The following HOOK3 variants were observed in gnomAD, a reference collection of about 807,000 sequenced individuals.
HOOK3 encodes protein Hook homolog 3.
HOOK3 carries 24 observed loss-of-function variants against 116.3 expected under a neutral mutation model. The ratio of observed to expected loss-of-function variants is 0.21; its 90% CI spans 0.15 to 0.29. The LOEUF (loss-of-function observed/expected upper bound fraction) is 0.29, where lower values mean the gene tolerates loss of function less well. Among genes scored for constraint, HOOK3 ranks in the 10% least tolerant of loss-of-function variants. HOOK3 has a pLI of 1.00. For synonymous variants in HOOK3, 275 were observed against 283.0 expected (o/e 0.97, Z 0.28); for missense variants, 632 against 830.2 (o/e 0.76, Z 2.93).
intron 4 of HOOK3, among the ~76,000 whole-genome samples, chr8:42,933,150 A>G (rs1368563111): frequency 6.6e-6 from 1 of 152,254 alleles, no homozygotes; most frequent in Non-Finnish European, 1.5e-5. Flanking sequence ...AGGTCTAACA[A>G]TAGAAAATTA....
chr8:42,953,529 AC>A (rs1808380761), intron 6 of HOOK3, among the ~76,000 whole-genome samples: 1 of 151,176 alleles, frequency 6.6e-6, no homozygotes, highest in Non-Finnish European at 1.5e-5. Flanking sequence ...GCGCCACTGC[AC>A]TCCAGCCTGG....
intron 19 of HOOK3, among the ~76,000 whole-genome samples, chr8:43,010,994 A>AT (rs1490824784): frequency 4.0e-5 from 6 of 150,394 alleles, no homozygotes; most frequent in Non-Finnish European, 3.0e-5. Flanking sequence ...AAGGGGGTCC[A>AT]TTTTCTTTTT....
chr8:42,972,925 G>T (rs1463162656), intron 11 of HOOK3, among the ~76,000 whole-genome samples: 4 of 152,084 alleles, frequency 2.6e-5, no homozygotes, highest in Non-Finnish European at 5.9e-5. Context: ...TAATCTCTGA[G>T]GATTTCCCTT....
chr8:42,938,333 G>A (rs958551046), intron 4 of HOOK3, among the ~76,000 whole-genome samples: 2 of 151,902 alleles, frequency 1.3e-5, no homozygotes, highest in Middle Eastern at 3.2e-3. Context: ...ACACTGATGG[G>A]TCTTGACTCT....
intron 19 of HOOK3, 62 bp downstream of exon 19, chr8:43,010,467 A>C: frequency 2.0e-6 from 1 of 498,286 alleles, no homozygotes; most frequent in South Asian, 3.2e-5. Context: ...TGAAGTCTCA[A>C]ATATAATGGA....
chr8:42,975,105 AGGAGCG>A (rs1198268632), intron 13 of HOOK3, among the ~76,000 whole-genome samples: 4 of 152,142 alleles, frequency 2.6e-5, no homozygotes, highest in Admixed American at 2.6e-4. Flanking sequence ...GGGCGCACCC[AGGAGCG>A]GGAACCTGGG....
intron 2 of HOOK3, among the ~76,000 whole-genome samples, chr8:42,923,096 G>T (rs182459984): frequency 3.3e-5 from 5 of 152,252 alleles, no homozygotes; most frequent in Admixed American, 2.6e-4. Flanking sequence ...TGGCCAATAA[G>T]CACATGTGAA....
intron 7 of HOOK3, 58 bp from the exon 8 acceptor site, chr8:42,959,173 C>T (rs1457530964): frequency 2.0e-5 from 23 of 1,129,228 alleles, no homozygotes; most frequent in Non-Finnish European, 2.7e-5. Flanking sequence ...GTTGAACATA[C>T]GAATTATTAA....
intron 2 of HOOK3, among the ~76,000 whole-genome samples, chr8:42,917,856 C>G (rs1489263875): frequency 6.6e-6 from 1 of 152,110 alleles, no homozygotes; most frequent in Admixed American, 6.5e-5. Context: ...GACTTAGGGG[C>G]TTAGTGTAAA....
At chr8:43,008,167 CG>C (rs1809529260) in intron 18 of HOOK3, among the ~76,000 whole-genome samples, 1 of 151,840 alleles carries the variant, frequency 6.6e-6, no homozygotes, top group African/African-American at 2.4e-5. Context: ...TACAGGTGCC[CG>C]CCACTACGCC....
chr8:42,999,134 T>C (rs929987738), intron 16 of HOOK3, among the ~76,000 whole-genome samples: 9 of 152,234 alleles, frequency 5.9e-5, no homozygotes, highest in African/African-American at 2.2e-4. Context: ...TGATGGCCAT[T>C]GTGCATGGTT....
intron 4 of HOOK3, among the ~76,000 whole-genome samples, chr8:42,938,597 A>G (rs776711169): frequency 1.3e-5 from 2 of 152,256 alleles, no homozygotes; most frequent in Admixed American, 6.5e-5. Context: ...GGTGGTGACA[A>G]AATCTCTCAG....
intron 11 of HOOK3, among the ~76,000 whole-genome samples, chr8:42,968,621 T>G (rs1282972183): frequency 6.6e-6 from 1 of 152,226 alleles, no homozygotes; most frequent in Non-Finnish European, 1.5e-5. Flanking sequence ...TGAGCCACTG[T>G]GAGCCACCAT....
chr8:42,993,546 T>C (rs991327511), intron 15 of HOOK3, among the ~76,000 whole-genome samples: 1 of 152,226 alleles, frequency 6.6e-6, no homozygotes, highest in Admixed American at 6.5e-5. Context: ...GTATTCCTTC[T>C]TCCTCTGTTT....
At position 43,025,507 on chromosome 8, in the gene HOOK3, A is replaced by C. The variant is rs145444483; in HGVS notation, c.*7009A>C. The C allele has an allele frequency of 1.5e-3, 327 of 213,420 alleles. 1 individual carries two copies. Among genetic ancestry groups the C allele is most frequent in the African/African-American group, 6.7e-3 (298 of 44,438 alleles). 13.2% of individuals were successfully genotyped at this position (213,420 alleles called of 1,614,324 possible). A position where few individuals can be genotyped will look rare whatever the true frequency, so the allele number is the denominator to read the frequency against. On this transcript the variant is annotated 3_prime_UTR_variant, in exon 22 of 22. Coordinates refer to ENST00000307602, the MANE Select transcript of HOOK3 (RefSeq NM_032410.4). ...GTTTGCCTAAAATCCTCTGTATTAC[A>C]TGATTATTCAGTAAAAGAGTAAACA... is the stretch of plus-strand genomic sequence containing the variant.
intron 2 of HOOK3, among the ~76,000 whole-genome samples, chr8:42,911,261 G>C (rs571262853): frequency 6.6e-6 from 1 of 152,298 alleles, no homozygotes; most frequent in African/African-American, 2.4e-5. Context: ...AGACCAGCCT[G>C]ACCAACATGG....
At chr8:43,005,771 A>G (rs1358520211) in intron 17 of HOOK3, among the ~76,000 whole-genome samples, 4 of 151,566 alleles carry the variant, frequency 2.6e-5, no homozygotes, top group Non-Finnish European at 5.9e-5. Flanking sequence ...ATCTCGGCTC[A>G]CTTCAACCTC....
intron 1 of HOOK3, 75 bp downstream of exon 1, chr8:42,897,263 TG>T: frequency 9.6e-7 from 1 of 1,039,610 alleles, no homozygotes. Flanking sequence ...GCGCGGCCCG[TG>T]GGGCGAGCGC....
chr8:42,919,022 A>G (rs1158100713), intron 2 of HOOK3, among the ~76,000 whole-genome samples: 1 of 147,492 alleles, frequency 6.8e-6, no homozygotes, highest in African/African-American at 2.6e-5. Flanking sequence ...CACCTCCTGG[A>G]TGGGGTGGCT....
Sources: gnomAD v4.1 joint callset for allele counts (sites outside exome capture counted in the v4.1 genomes callset) on GRCh38, gnomAD v4.1.1 for gene constraint, MANE v1.5 for transcripts, NCBI Gene and HGNC (gene_info 2026-07-23, HGNC 2026-07-21) for gene names.